The following GPCPD1 variants were observed in gnomAD, a reference collection of about 807,000 sequenced individuals.
GPCPD1 encodes glycerophosphocholine phosphodiesterase GPCPD1.
A neutral mutation model predicts 89.2 loss-of-function variants in GPCPD1; 29 were observed. The observed-to-expected ratio is 0.33, with a 90% CI of 0.24 to 0.44. The LOEUF (loss-of-function observed/expected upper bound fraction) is 0.44. Among genes scored for constraint, GPCPD1 ranks in the 20% least tolerant of loss-of-function variants. The pLI, the probability that GPCPD1 is intolerant of heterozygous loss-of-function variation, is 1.00. For missense variants in GPCPD1, 594 were observed against 808.9 expected (o/e 0.73, Z 3.22); for synonymous variants, 258 against 266.3 (o/e 0.97, Z 0.30).
chr20:5,589,374 G>A (rs1264400766), intron 4 of GPCPD1, among the ~76,000 whole-genome samples: 9 of 152,318 alleles, frequency 5.9e-5, no homozygotes, highest in Non-Finnish European at 7.4e-5. Flanking sequence ...CACTTTGGGA[G>A]GTCAAAGCGG....
chr20:5,598,888 G>T, intron 2 of GPCPD1, 67 bp from the exon 3 acceptor site: 2 of 947,604 alleles, frequency 2.1e-6, no homozygotes, highest in South Asian at 1.3e-5. Context: ...AAGCAGGGAA[G>T]TTTGCATTAG....
intron 18 of GPCPD1, 114 bp from the exon 19 acceptor site, chr20:5,558,219 AG>A: frequency 1.8e-6 from 1 of 563,578 alleles, no homozygotes; most frequent in South Asian, 3.2e-5. Context: ...AGAAAATGGT[AG>A]ATTTTTTTCT....
rs768330390 is a variant in GPCPD1 at position 5,575,801 on chromosome 20, T to C, written c.868+15A>G. The C allele has an allele frequency of 2.4e-5, 37 of 1,545,318 alleles. 1 individual carries two copies. Among genetic ancestry groups the C allele is most frequent in the South Asian group, 9.1e-5 (8 of 88,014 alleles). On this transcript the variant is annotated intron_variant, in intron 9 of 19. Transcript: ENST00000379019. ...AACTTAACCTTGGGTTATTTGGCAGTGTCTTCAACCTTACCTCTCACTTTG... is the reference window on the plus strand; with the variant it reads ...AACTTAACCTTGGGTTATTTGGCAGCGTCTTCAACCTTACCTCTCACTTTG...
At chr20:5,599,252 T>C (rs1225361740) in intron 2 of GPCPD1, among the ~76,000 whole-genome samples, 1 of 152,126 alleles carries the variant, frequency 6.6e-6, no homozygotes, top group Non-Finnish European at 1.5e-5. Context: ...AAGTTTCACA[T>C]CAAGAACATT....
Position 5,578,377 on chromosome 20 carries a change from C to T in GPCPD1, c.705+3G>A, listed in dbSNP as rs201012947. The T allele has an allele frequency of 3.2e-5, 49 of 1,548,378 alleles. No individual in the cohort carries two copies. Among genetic ancestry groups the T allele is most frequent in the Admixed American group, 1.3e-4 (8 of 59,922 alleles). ...CAATCCCCTCACTGCAGTAACTACT[C>T]ACTTCGAAAAAATCAAAGATTAGTT... On this transcript the variant is annotated splice_donor_region_variant and intron_variant, in intron 8 of 19. Coordinates refer to ENST00000379019, the MANE Select transcript of GPCPD1 (RefSeq NM_019593.5).
rs1288268083 is a variant in GPCPD1, at chr20:5,545,173, C to G, written c.*2488G>C. The G allele has an allele frequency of 3.9e-5, 6 of 152,136 alleles. No individual in the cohort carries two copies. In the East Asian group the frequency reaches 7.7e-4, roughly 20 times the overall value. 9.4% of individuals were successfully genotyped at this position (152,136 alleles called of 1,614,324 possible). ...ACCATCCTAATTGTTAAAATGCAAA[C>G]CAATTCAAAGTTTACATTCTTAGTA... On this transcript the variant is annotated 3_prime_UTR_variant, in exon 20 of 20. Transcript: ENST00000379019.
At chr20:5,585,485 T>C (rs538006721) in intron 5 of GPCPD1, 1 of 152,148 alleles carries the variant, frequency 6.6e-6, no homozygotes, top group East Asian at 1.9e-4. Context: ...TGTGGGTAAT[T>C]TAATGTATGT....
Position 5,573,969 on chromosome 20 carries a change from C to T in GPCPD1, c.1002G>A (p.Gln334=), listed in dbSNP as rs754305835. ...TAGTATTTTCTTGAACTTTAGCCAG[C>T]CTGAAAAGAAGAAATACAGTTAACA... ...RGAGNSTTTA[Q]LAKVQENTIA... The change falls in exon 11 of 20, where the codon CAG becomes CAA. Residue 334 remains glutamine, a splice_region_variant and synonymous_variant. Transcript: ENST00000379019. 2.1e-6 allele frequency: 3 copies of T among 1,452,146 alleles called. No homozygotes were observed. The highest frequency in any genetic ancestry group is 1.9e-6 in the Non-Finnish European group (2 of 1,032,824). The allele number at this position is 1,452,146 out of a possible 1,614,324, so 90.0% of individuals were successfully genotyped here.
At chr20:5,558,588 G>A (rs965977275) in intron 18 of GPCPD1, 96 bp downstream of exon 18, 10 of 705,914 alleles carry the variant, frequency 1.4e-5, no homozygotes, top group Admixed American at 3.7e-5. Context: ...TAGTCAAAAC[G>A]TTAACATTAG....
intron 1 of GPCPD1, among the ~76,000 whole-genome samples, chr20:5,605,110 G>C (rs1980489675): frequency 6.6e-6 from 1 of 152,256 alleles, no homozygotes; most frequent in South Asian, 2.1e-4. Context: ...TTGAAGCCTA[G>C]TGCTACAAAG....
intron 6 of GPCPD1, among the ~76,000 whole-genome samples, chr20:5,582,427 CAT>C (rs974046457): frequency 2.0e-5 from 3 of 152,046 alleles, no homozygotes; most frequent in African/African-American, 7.2e-5. Flanking sequence ...CATACATAAA[CAT>C]ATATACCTAA....
At chr20:5,606,354 G>C (rs1342465984) in intron 1 of GPCPD1, among the ~76,000 whole-genome samples, 1 of 151,014 alleles carries the variant, frequency 6.6e-6, no homozygotes, top group Non-Finnish European at 1.5e-5. Context: ...TCTGCATCAT[G>C]TACATTACTC....
chr20:5,561,953 T>C (rs1986108544), intron 15 of GPCPD1, among the ~76,000 whole-genome samples: 1 of 152,218 alleles, frequency 6.6e-6, no homozygotes, highest in Admixed American at 6.5e-5. Context: ...AACCATGATG[T>C]TTAGATTGTT....
In GPCPD1 at chr20:5,580,001, G is replaced by T. The variant is rs757361881; in HGVS notation, c.473+7C>A. On this transcript the variant is annotated splice_region_variant and intron_variant, in intron 7 of 19. Coordinates refer to ENST00000379019, the MANE Select transcript of GPCPD1 (RefSeq NM_019593.5). ...ATAGCCTAAGTAACACATAAACATG[G>T]TCATACCTAAATCTAGATTTTTTTA... The T allele has an allele frequency of 1.1e-5, 17 of 1,524,690 alleles. No individual in the cohort carries two copies. Among genetic ancestry groups the T allele is most frequent in the Non-Finnish European group, 3.6e-6 (4 of 1,106,276 alleles). 94.4% of individuals were successfully genotyped at this position (1,524,690 alleles called of 1,614,324 possible).
At chr20:5,559,802 T>G (rs188143500) in intron 17 of GPCPD1, 138 bp downstream of exon 17, 9 of 500,598 alleles carry the variant, frequency 1.8e-5, no homozygotes, top group Non-Finnish European at 3.2e-5. Context: ...AGAAAGGGCA[T>G]GAGGAAACAC....
rs112280494 is a variant in GPCPD1, at chr20:5,584,193, A to T, written c.349+88T>A. On this transcript the variant is annotated intron_variant, in intron 6 of 19. Transcript: ENST00000379019. ...TATGCAGCACATGACTGTATGTTCT[A>T]TTTTCCTGTGCTATATAACTCCAGT... The T allele has an allele frequency of 5.9e-4, 412 of 704,242 alleles. 2 individuals carry two copies. Among genetic ancestry groups the T allele is most frequent in the African/African-American group, 4.3e-3 (239 of 55,426 alleles). 43.6% of individuals were successfully genotyped at this position (704,242 alleles called of 1,614,324 possible).
chr20:5,601,775 T>C (rs1980173018), intron 2 of GPCPD1, among the ~76,000 whole-genome samples: 2 of 152,184 alleles, frequency 1.3e-5, no homozygotes, highest in South Asian at 2.1e-4. Context: ...CAAACTCCAA[T>C]TGGAAAAAGT....
In GPCPD1 at chr20:5,605,603, A is replaced by AC. The variant is rs1306460914; in HGVS notation, c.-28-1164dup. Among the ~76,000 whole-genome samples, 6 of 152,190 alleles carry AC rather than the reference A, an allele frequency of 3.9e-5. No individual in the cohort carries two copies. In the South Asian group the frequency reaches 8.3e-4, roughly 21 times the overall value. On this transcript the variant is annotated intron_variant, in intron 1 of 19. Coordinates refer to ENST00000379019, the MANE Select transcript of GPCPD1 (RefSeq NM_019593.5). ...AGACCAGCCTGACCAACATGGAGAA[A>AC]CCCCGTCTCTACTAAAAATACAAAA...
intron 3 of GPCPD1, among the ~76,000 whole-genome samples, chr20:5,595,640 C>CAAAAA (rs59154830): frequency 0.1 from 15,677 of 151,686 alleles, 1,328 homozygotes; most frequent in African/African-American, 0.23. Context: ...GATTCCATCT[C>CAAAAA]AAAACAAAAA....
Sources: allele counts gnomAD v4.1 joint callset (sites outside exome capture counted in the v4.1 genomes callset), GRCh38; gene constraint gnomAD v4.1.1; transcripts MANE v1.5; gene names NCBI Gene and HGNC (gene_info 2026-07-23, HGNC 2026-07-21).